Variants in INPP4B observed in about 807,000 individuals in gnomAD.
INPP4B encodes the protein inositol polyphosphate-4-phosphatase type II B.
In INPP4B, 55 loss-of-function variants were observed where a neutral mutation model predicts 122.5. The ratio of observed to expected loss-of-function variants is 0.45; its 90% CI spans 0.36 to 0.56. The LOEUF (loss-of-function observed/expected upper bound fraction) is 0.56. Among genes scored for constraint, INPP4B ranks in the 20% least tolerant of loss-of-function variants. The probability of loss-of-function intolerance (pLI) is 0.00; values close to 1 mark genes in which losing one functional copy is unlikely to be tolerated. For missense variants in INPP4B, 1,000 were observed against 1,097.7 expected (o/e 0.91, Z 1.26); for synonymous variants, 403 against 388.7 (o/e 1.04, Z -0.43).
chr4:142,260,264 G>A (rs1159473982), intron 11 of INPP4B, among the ~76,000 whole-genome samples: 3 of 152,100 alleles, frequency 2.0e-5, no homozygotes, highest in African/African-American at 7.2e-5. Context: ...GATTACGGAC[G>A]TGAGCCACCG....
intron 2 of INPP4B, among the ~76,000 whole-genome samples, chr4:142,709,116 C>A (rs899328575): frequency 2.6e-5 from 4 of 152,152 alleles, no homozygotes; most frequent in African/African-American, 7.2e-5. Flanking sequence ...TTGGACTTGC[C>A]TGGGGCCTGT....
chr4:142,649,454 C>G (rs1262558966), intron 2 of INPP4B, among the ~76,000 whole-genome samples: 3 of 152,120 alleles, frequency 2.0e-5, no homozygotes, highest in Non-Finnish European at 4.4e-5. Context: ...AAACCCATTG[C>G]AAGTAAGCTA....
chr4:142,497,173 GC>G (rs1239677612), intron 2 of INPP4B, among the ~76,000 whole-genome samples: 2 of 151,970 alleles, frequency 1.3e-5, no homozygotes, highest in Admixed American at 6.6e-5. Context: ...CATAAAATAG[GC>G]CTTTTTACCT....
intron 2 of INPP4B, among the ~76,000 whole-genome samples, chr4:142,676,446 C>T (rs913590152): frequency 6.6e-6 from 1 of 152,058 alleles, no homozygotes; most frequent in East Asian, 1.9e-4. Flanking sequence ...ATACTATCCC[C>T]AACAAGCTAC....
intron 2 of INPP4B, among the ~76,000 whole-genome samples, chr4:142,478,028 C>T (rs1445691936): frequency 2.0e-5 from 3 of 152,186 alleles, no homozygotes; most frequent in South Asian, 4.1e-4. Context: ...GTCTTGAACT[C>T]GTGAGCTCAA....
intron 2 of INPP4B, among the ~76,000 whole-genome samples, chr4:142,597,305 T>C (rs981649518): frequency 2.0e-5 from 3 of 152,192 alleles, no homozygotes; most frequent in African/African-American, 7.2e-5. Flanking sequence ...TGGACAACAA[T>C]GAACTAACAG....
chr4:142,774,977 G>A (rs1263504312), intron 1 of INPP4B, among the ~76,000 whole-genome samples: 3 of 151,836 alleles, frequency 2.0e-5, no homozygotes, highest in Non-Finnish European at 4.4e-5. Context: ...CAGTTTCTCA[G>A]GGTTCCTTGT....
intron 9 of INPP4B, among the ~76,000 whole-genome samples, chr4:142,280,559 T>G (rs1405607162): frequency 6.6e-6 from 1 of 151,890 alleles, no homozygotes; most frequent in Non-Finnish European, 1.5e-5. Context: ...GGTTTCTTTG[T>G]GGTAATGGAA....
At chr4:142,681,728 G>A (rs1433460263) in intron 2 of INPP4B, among the ~76,000 whole-genome samples, 3 of 151,672 alleles carry the variant, frequency 2.0e-5, no homozygotes, top group Admixed American at 1.3e-4. Context: ...AGCAATAATA[G>A]GAATGTTAAT....
intron 2 of INPP4B, among the ~76,000 whole-genome samples, chr4:142,515,640 G>A (rs1825324850): frequency 6.6e-6 from 1 of 152,140 alleles, no homozygotes. Flanking sequence ...TTAACTCAGA[G>A]CAGTGGGAAA....
intron 2 of INPP4B, among the ~76,000 whole-genome samples, chr4:142,572,419 T>C (rs764830731): frequency 6.6e-6 from 1 of 152,080 alleles, no homozygotes; most frequent in African/African-American, 2.4e-5. Flanking sequence ...CTCTTAAGGA[T>C]ACTGAAGAGT....
chr4:142,403,921 A>C (rs959383916), intron 6 of INPP4B, among the ~76,000 whole-genome samples: 3 of 152,196 alleles, frequency 2.0e-5, no homozygotes, highest in Non-Finnish European at 4.4e-5. Flanking sequence ...CCAAAATAAG[A>C]CATTTCTTAT....
At chr4:142,090,820 AGAGT>A (rs1779191562) in intron 23 of INPP4B, among the ~76,000 whole-genome samples, 1 of 152,182 alleles carries the variant, frequency 6.6e-6, no homozygotes, top group Non-Finnish European at 1.5e-5. Context: ...ATGTTCATAA[AGAGT>A]AAGAATAAAC....
chr4:142,226,476 T>C (rs952355026), intron 12 of INPP4B, among the ~76,000 whole-genome samples: 2 of 152,230 alleles, frequency 1.3e-5, no homozygotes, highest in African/African-American at 4.8e-5. Flanking sequence ...GATGTTATAT[T>C]CAGTGCTTTA....
chr4:142,480,048 T>C (rs565723355), intron 2 of INPP4B, among the ~76,000 whole-genome samples: 1 of 152,198 alleles, frequency 6.6e-6, no homozygotes, highest in Non-Finnish European at 1.5e-5. Flanking sequence ...CTAGTTATCC[T>C]TCTGATTGTC....
chr4:142,778,717 G>A (rs1403549209), intron 1 of INPP4B, among the ~76,000 whole-genome samples: 1 of 152,042 alleles, frequency 6.6e-6, no homozygotes, highest in East Asian at 1.9e-4. Flanking sequence ...AGGCAAGCAT[G>A]CAACTTACCA....
At chr4:142,583,772 T>C (rs1299977653) in intron 2 of INPP4B, 1 of 152,196 alleles carries the variant, frequency 6.6e-6, no homozygotes, top group Non-Finnish European at 1.5e-5. Flanking sequence ...ACTTGGCTTA[T>C]AAAGTAACTT....
chr4:142,448,329 C>CAAAAAAAAAAAA (rs71586289), intron 3 of INPP4B, among the ~76,000 whole-genome samples: 1 of 61,990 alleles, frequency 1.6e-5, no homozygotes, highest in Non-Finnish European at 2.9e-5. Context: ...TATCCATCTC[C>CAAAAAAAAAAAA]AAAAAAAAAA....
In INPP4B at chr4:142,124,651, A is replaced by G. The variant is rs751997898; in HGVS notation, c.1830T>C (p.Leu610=). The G allele has an allele frequency of 1.2e-6, 2 of 1,613,386 alleles. No homozygotes were observed. Among genetic ancestry groups the G allele is most frequent in the Admixed American group, 1.7e-5 (1 of 59,898 alleles). Residue 610 remains leucine (L), a synonymous_variant, in exon 19 of 26, where the codon CTT becomes CTC. Coordinates refer to ENST00000262992, the MANE Select transcript of INPP4B (RefSeq NM_001101669.3). ...TCAGACACTGGGGCAAGCTGTACGC[A>G]AGTTCCTGAAGGAGCACAAATGTCA... ...QSLTFVLLQE[L]AYSLPQCLML...
Sources: allele counts gnomAD v4.1 joint callset (sites outside exome capture counted in the v4.1 genomes callset), GRCh38; gene constraint gnomAD v4.1.1; transcripts MANE v1.5; gene names NCBI Gene and HGNC (gene_info 2026-07-23, HGNC 2026-07-21).